ITGA1: variants seen among roughly 807,000 people sequenced by gnomAD.
ITGA1 encodes the protein integrin subunit alpha 1.
Under a neutral mutation model 145.9 loss-of-function variants are expected in ITGA1, and 85 were observed. The observed-to-expected ratio is 0.58, with a 90% CI of 0.49 to 0.70. The LOEUF is 0.70. ITGA1 is among the 30% of genes least tolerant of loss of function. ITGA1 has a pLI of 0.00. For missense variants in ITGA1, 1,351 were observed against 1,418.7 expected, an observed-to-expected ratio of 0.95 and a Z score of 0.77; for synonymous variants, 520 against 495.3, an observed-to-expected ratio of 1.05 and a Z score of -0.66.
intron 1 of ITGA1, among the ~76,000 whole-genome samples, chr5:52,838,968 G>T (rs975596395): frequency 1.3e-5 from 2 of 152,062 alleles, no homozygotes; most frequent in African/African-American, 4.8e-5. Flanking sequence ...ATGGTGGCAT[G>T]TGCCTCTGGT....
At chr5:52,920,609 T>G in intron 17 of ITGA1, 141 bp downstream of exon 17, 1 of 717,008 alleles carries the variant, frequency 1.4e-6, no homozygotes, top group Non-Finnish European at 2.1e-6. Flanking sequence ...TTTGTTCATT[T>G]TTATCATAAA....
intron 6 of ITGA1, among the ~76,000 whole-genome samples, chr5:52,880,145 A>G (rs563638313): frequency 6.6e-6 from 1 of 152,236 alleles, no homozygotes; most frequent in South Asian, 2.1e-4. Flanking sequence ...CTTTTTACTG[A>G]GAGGAAATAG....
At chr5:52,875,342 AAT>A (rs1749851109) in intron 6 of ITGA1, among the ~76,000 whole-genome samples, 2 of 152,062 alleles carry the variant, frequency 1.3e-5, no homozygotes. Context: ...TATGATTGTA[AAT>A]CTCATATTTA....
chr5:52,836,081 C>T (rs892340125), intron 1 of ITGA1, among the ~76,000 whole-genome samples: 2 of 152,158 alleles, frequency 1.3e-5, no homozygotes, highest in African/African-American at 4.8e-5. Context: ...TATTTTGCAT[C>T]TTCCCTGAAT....
intron 1 of ITGA1, among the ~76,000 whole-genome samples, chr5:52,809,252 C>T (rs1041294908): frequency 3.9e-5 from 6 of 152,104 alleles, no homozygotes; most frequent in African/African-American, 1.4e-4. Flanking sequence ...AAAGAAAGAT[C>T]ACAGTCTCTT....
chr5:52,923,009 GA>G (rs989816740), intron 18 of ITGA1, 122 bp downstream of exon 18: 38 of 602,422 alleles, frequency 6.3e-5, no homozygotes, highest in Non-Finnish European at 8.1e-5. Context: ...CTGGAAGAAA[GA>G]AAAAAAAGGC....
chr5:52,854,333 C>T (rs1370213288), intron 2 of ITGA1, among the ~76,000 whole-genome samples: 3 of 152,142 alleles, frequency 2.0e-5, no homozygotes, highest in Non-Finnish European at 4.4e-5. Flanking sequence ...AGGGTTTACA[C>T]AATTTTCTGT....
At chr5:52,937,153 G>A (rs1750978469) in intron 23 of ITGA1, among the ~76,000 whole-genome samples, 1 of 151,890 alleles carries the variant, frequency 6.6e-6, no homozygotes, top group African/African-American at 2.4e-5. Flanking sequence ...GGTCTATTAA[G>A]AGAATGGGGG....
intron 6 of ITGA1, among the ~76,000 whole-genome samples, 196 bp downstream of exon 6, chr5:52,866,013 T>C (rs1370760050): frequency 1.3e-5 from 2 of 152,054 alleles, no homozygotes; most frequent in Non-Finnish European, 2.9e-5. Context: ...TTTTCTTTTT[T>C]CTTTTTTCTT....
chr5:52,910,352 A>G lies in ITGA1; in HGVS notation c.1790A>G (p.Asp597Gly). The change falls in exon 14 of 29, where the codon GAT (aspartate) becomes GGT (glycine). Residue 597 changes from aspartate (D) to glycine (G), a missense_variant. Asp to Gly is a moderately conservative substitution (Grantham distance 94). Transcript: ENST00000282588. ...NDIVIGAPLE[D>G]DHGGAVYIYH... The stretch of plus-strand genomic sequence containing the variant: ...ATCGTGATAGGAGCTCCGCTGGAAG[A>G]TGATCACGGGGGAGCTGTGTACATT... 1.9e-6 allele frequency: 3 copies of G among 1,613,896 alleles called. No individual in the cohort carries two copies. Among genetic ancestry groups the G allele is most frequent in the Non-Finnish European group, 2.5e-6 (3 of 1,179,838 alleles).
At chr5:52,848,863 C>T (rs537988547) in intron 1 of ITGA1, among the ~76,000 whole-genome samples, 2 of 151,930 alleles carry the variant, frequency 1.3e-5, no homozygotes, top group South Asian at 2.1e-4. Context: ...TTGCTGAGAA[C>T]GATGGTTTCC....
At chr5:52,895,152 G>T (rs1750206344) in intron 9 of ITGA1, among the ~76,000 whole-genome samples, 1 of 152,030 alleles carries the variant, frequency 6.6e-6, no homozygotes, top group South Asian at 2.1e-4. Context: ...TCATGACTGG[G>T]TCACAATCCG....
At chr5:52,851,623 T>C (rs1168834069) in intron 2 of ITGA1, among the ~76,000 whole-genome samples, 4 of 152,200 alleles carry the variant, frequency 2.6e-5, no homozygotes, top group Non-Finnish European at 5.9e-5. Context: ...AGAATAAGGT[T>C]GCAAGAACGA....
chr5:52,792,150 C>T (rs1336959374), intron 1 of ITGA1, among the ~76,000 whole-genome samples: 1 of 152,122 alleles, frequency 6.6e-6, no homozygotes, highest in Non-Finnish European at 1.5e-5. Context: ...AGAATTAGCC[C>T]TAATTAAACT....
chr5:52,827,480 T>C (rs746701940), intron 1 of ITGA1, among the ~76,000 whole-genome samples: 20 of 152,294 alleles, frequency 1.3e-4, no homozygotes, highest in Admixed American at 5.2e-4. Context: ...GATTTGAGGA[T>C]TGACTCTAAT....
intron 12 of ITGA1, among the ~76,000 whole-genome samples, chr5:52,906,377 C>A (rs1002293554): frequency 1.3e-5 from 2 of 152,032 alleles, no homozygotes; most frequent in African/African-American, 4.8e-5. Context: ...TTTTGAATGG[C>A]AAATTAAGAG....
intron 1 of ITGA1, among the ~76,000 whole-genome samples, chr5:52,795,834 T>G (rs1454648921): frequency 1.3e-5 from 2 of 151,940 alleles, no homozygotes; most frequent in African/African-American, 4.8e-5. Flanking sequence ...TAATCTTATT[T>G]ATCATTTAGA....
chr5:52,947,891 T>C (rs184158795), intron 28 of ITGA1, among the ~76,000 whole-genome samples: 43 of 152,318 alleles, frequency 2.8e-4, no homozygotes, highest in African/African-American at 9.9e-4. Flanking sequence ...AAATAAGCCT[T>C]GTTTTAATCA....
At chr5:52,810,962 T>A (rs1007043365) in intron 1 of ITGA1, among the ~76,000 whole-genome samples, 1 of 152,254 alleles carries the variant, frequency 6.6e-6, no homozygotes. Context: ...CAGATTCACA[T>A]ATGTTCTTCT....
Sources: gnomAD v4.1 joint callset for allele counts (sites outside exome capture counted in the v4.1 genomes callset) on GRCh38, gnomAD v4.1.1 for gene constraint, MANE v1.5 for transcripts, NCBI Gene and HGNC (gene_info 2026-07-23, HGNC 2026-07-21) for gene names.